C1QTNF3: variants seen among roughly 807,000 people sequenced by gnomAD.
C1QTNF3 encodes the protein complement C1q tumor necrosis factor-related protein 3.
In C1QTNF3, 26 loss-of-function variants were observed where a neutral mutation model predicts 32.6. The observed-to-expected ratio is 0.80, with a 90% CI of 0.58 to 1.11. The LOEUF is 1.11. C1QTNF3 is among the 50% of genes least tolerant of loss of function. The probability of loss-of-function intolerance (pLI) is 0.00; values close to 1 mark genes in which losing one functional copy is unlikely to be tolerated. For missense variants in C1QTNF3, 362 were observed against 398.2 expected (o/e 0.91, Z 0.77); for synonymous variants, 155 against 146.0 (o/e 1.06, Z -0.44).
the C1QTNF3 span, among the ~76,000 whole-genome samples, chr5:34,120,824 G>A: frequency 6.6e-6 from 1 of 152,158 alleles, no homozygotes; most frequent in Non-Finnish European, 1.5e-5. Context: ...TTTCAGGCAT[G>A]TCTTTATCAG....
At chr5:34,166,627 AT>A in the C1QTNF3 span, 1 of 152,114 alleles carries the variant, frequency 6.6e-6, no homozygotes, top group Non-Finnish European at 1.5e-5. Flanking sequence ...TTCACAAAGT[AT>A]TTTTTATAAA....
Position 34,028,871 on chromosome 5 carries a change from C to G in C1QTNF3, c.583G>C (p.Ala195Pro). Residue 195 changes from alanine (A) to proline (P), a missense_variant, in exon 4 of 6, where the codon GCT becomes CCT. Transcript: ENST00000382065. ...IPPELQIAFM[A>P]SLATHFSNQN... ...TTGCTGAAGTGGGTTGCCAGAGAAG[C>G]CATGAATGCAATCTAAGGAAAGAAT... 1 of 1,609,262 alleles carries G rather than the reference C, an allele frequency of 6.2e-7. No individual in the cohort carries two copies. Among genetic ancestry groups the G allele is most frequent in the Non-Finnish European group, 8.5e-7 (1 of 1,177,376 alleles).
chr5:34,220,477 A>G, the C1QTNF3 span, among the ~76,000 whole-genome samples: 1 of 150,042 alleles, frequency 6.7e-6, no homozygotes, highest in Non-Finnish European at 1.5e-5. Flanking sequence ...AAAATCTATA[A>G]TGAGTTCAGT....
the C1QTNF3 span, among the ~76,000 whole-genome samples, chr5:34,085,930 C>T: frequency 6.6e-6 from 1 of 150,970 alleles, no homozygotes; most frequent in African/African-American, 2.5e-5. Context: ...CCAGCAATCC[C>T]ATTACTGGGT....
intron 1 of C1QTNF3, among the ~76,000 whole-genome samples, chr5:34,037,970 G>A (rs1754781974): frequency 6.6e-6 from 1 of 152,200 alleles, no homozygotes; most frequent in Admixed American, 6.5e-5. Flanking sequence ...GAAGGGAGGG[G>A]AAGGAGGGAA....
chr5:34,213,696 A>ATATATATACGTG, the C1QTNF3 span, among the ~76,000 whole-genome samples: 3 of 127,064 alleles, frequency 2.4e-5, no homozygotes, highest in East Asian at 4.7e-4. Context: ...GTGTGTGTGT[A>ATATATATACGTG]TATATATATG....
upstream of C1QTNF3, among the ~76,000 whole-genome samples, chr5:34,047,654 G>A (rs952406264): frequency 2.0e-5 from 3 of 152,186 alleles, no homozygotes; most frequent in African/African-American, 7.2e-5. Context: ...TGAATTCTGA[G>A]ATTCTAAAAT....
the C1QTNF3 span, among the ~76,000 whole-genome samples, chr5:34,161,480 AAATT>A: frequency 2.6e-5 from 4 of 152,142 alleles, no homozygotes; most frequent in African/African-American, 9.7e-5. Flanking sequence ...ATTTTTCTCT[AAATT>A]AAGAGTCTCA....
At chr5:34,026,184 T>G (rs1754453717) in intron 4 of C1QTNF3, among the ~76,000 whole-genome samples, 2 of 152,192 alleles carry the variant, frequency 1.3e-5, no homozygotes, top group African/African-American at 4.8e-5. Context: ...TACCTGTAAG[T>G]GCTGCCAAAT....
chr5:34,060,856 C>A, the C1QTNF3 span, among the ~76,000 whole-genome samples: 10 of 152,242 alleles, frequency 6.6e-5, no homozygotes, highest in African/African-American at 2.4e-4. Flanking sequence ...CATTCCATCC[C>A]AGCCCCTCCC....
chr5:34,044,400 G>A (rs969191575), upstream of C1QTNF3, among the ~76,000 whole-genome samples: 8 of 152,152 alleles, frequency 5.3e-5, no homozygotes, highest in African/African-American at 1.4e-4. Context: ...GGTGGCAAGC[G>A]TCTGATGAGA....
chr5:34,119,921 T>A, the C1QTNF3 span, among the ~76,000 whole-genome samples: 1 of 152,194 alleles, frequency 6.6e-6, no homozygotes, highest in East Asian at 1.9e-4. Context: ...TGTAACATAA[T>A]AACATATTCA....
chr5:34,183,532 T>C, the C1QTNF3 span, among the ~76,000 whole-genome samples: 21 of 149,532 alleles, frequency 1.4e-4, no homozygotes, highest in African/African-American at 5.1e-4. Flanking sequence ...AGTTTTGCCA[T>C]GTTGGCCAGG....
the C1QTNF3 span, among the ~76,000 whole-genome samples, chr5:34,104,022 G>A: frequency 1.4e-5 from 2 of 142,320 alleles, no homozygotes; most frequent in Non-Finnish European, 3.1e-5. Flanking sequence ...AATATGATAT[G>A]TGGAGAAGGG....
the C1QTNF3 span, among the ~76,000 whole-genome samples, chr5:34,216,628 AGGAGG>A: frequency 6.6e-6 from 1 of 152,200 alleles, no homozygotes; most frequent in Non-Finnish European, 1.5e-5. Context: ...TAATCTCTAG[AGGAGG>A]TCCGTCTTGT....
chr5:34,126,804 T>C, the C1QTNF3 span, among the ~76,000 whole-genome samples: 1 of 152,164 alleles, frequency 6.6e-6, no homozygotes, highest in African/African-American at 2.4e-5. Flanking sequence ...TGAATAAACC[T>C]GGAAGACCAA....
In C1QTNF3 at chr5:34,020,247, G is replaced by A. The variant is rs1754290826; in HGVS notation, c.*336C>T. On this transcript the variant is annotated 3_prime_UTR_variant, in exon 6 of 6. Transcript: ENST00000382065. Reference sequence around the variant, plus strand: ...CCTGAAAACTGGTATTAAATTAAAAGCAGAGTAGTCAAAATTCTTTGCAAA... The same window carrying A: ...CCTGAAAACTGGTATTAAATTAAAAACAGAGTAGTCAAAATTCTTTGCAAA... 4.9e-6 allele frequency: 1 copy of A among 202,802 alleles called. No individual in the cohort carries two copies. Among genetic ancestry groups the A allele is most frequent in the Non-Finnish European group, 1.0e-5 (1 of 98,780 alleles). 12.6% of individuals were successfully genotyped at this position (202,802 alleles called of 1,614,324 possible).
chr5:34,160,046 T>C, the C1QTNF3 span, among the ~76,000 whole-genome samples: 1 of 152,178 alleles, frequency 6.6e-6, no homozygotes, highest in African/African-American at 2.4e-5. Context: ...AGAAAAAATA[T>C]ACAAATGCAG....
the C1QTNF3 span, among the ~76,000 whole-genome samples, chr5:34,212,897 A>T: frequency 6.6e-6 from 1 of 151,508 alleles, no homozygotes; most frequent in Admixed American, 6.6e-5. Flanking sequence ...CAGCCATCCC[A>T]TTACTGGGTA....
Sources: allele counts gnomAD v4.1 joint callset (sites outside exome capture counted in the v4.1 genomes callset), GRCh38; gene constraint gnomAD v4.1.1; transcripts MANE v1.5; gene names NCBI Gene and HGNC (gene_info 2026-07-23, HGNC 2026-07-21).